PPP2R3A: variants seen among roughly 807,000 people sequenced by gnomAD.
PPP2R3A encodes serine/threonine-protein phosphatase 2A regulatory subunit B'' subunit alpha.
Under a neutral mutation model 106.9 loss-of-function variants are expected in PPP2R3A, and 80 were observed. That is an observed-to-expected ratio of 0.75 (90% CI 0.62 to 0.90). The LOEUF (loss-of-function observed/expected upper bound fraction) is 0.90. Among genes scored for constraint, PPP2R3A ranks in the 40% least tolerant of loss-of-function variants. PPP2R3A has a pLI of 0.00. For missense variants in PPP2R3A, 1,386 were observed against 1,350.4 expected (o/e 1.03, Z -0.41); for synonymous variants, 483 against 468.3 (o/e 1.03, Z -0.41).
intron 1 of PPP2R3A, among the ~76,000 whole-genome samples, chr3:135,996,939 A>G (rs1200487379): frequency 6.6e-6 from 1 of 152,116 alleles, no homozygotes; most frequent in African/African-American, 2.4e-5. Context: ...TTCTTCTTCC[A>G]TTTATAAACT....
At position 136,146,472 on chromosome 3, in the gene PPP2R3A, T is replaced by A. The variant is rs1939130275; in HGVS notation, c.*1306T>A. The stretch of plus-strand genomic sequence containing the variant: ...CCTTGCTGGCATAAAGGCCAAGCAG[T>A]GAAATGAACCTTGGGTTAGAGTTAT... On this transcript the variant is annotated 3_prime_UTR_variant, in exon 14 of 14. Transcript: ENST00000264977. The A allele has an allele frequency of 6.6e-6, 1 of 152,062 alleles. No individual in the cohort carries two copies. Among genetic ancestry groups the A allele is most frequent in the East Asian group, 1.9e-4 (1 of 5,190 alleles). The allele number at this position is 152,062 out of a possible 1,614,324, so 9.4% of individuals were successfully genotyped here. A position where few individuals can be genotyped will look rare whatever the true frequency, so the allele number is the denominator to read the frequency against.
chr3:136,055,592 A>G, intron 5 of PPP2R3A: 1 of 1,401,358 alleles, frequency 7.1e-7, no homozygotes, highest in Non-Finnish European at 1.0e-6. Context: ...GCAGTACTGT[A>G]TCCACACGAG....
chr3:136,031,507 A>G (rs1405986922), intron 3 of PPP2R3A, among the ~76,000 whole-genome samples: 1 of 152,114 alleles, frequency 6.6e-6, no homozygotes, highest in African/African-American at 2.4e-5. Context: ...CTTTATTTTA[A>G]TTAAGTCCTA....
intron 13 of PPP2R3A, among the ~76,000 whole-genome samples, chr3:136,111,944 C>T (rs1651325140): frequency 6.6e-6 from 1 of 152,138 alleles, no homozygotes; most frequent in African/African-American, 2.4e-5. Flanking sequence ...GCTAATCCAC[C>T]ACAATCATGT....
chr3:136,008,399 C>T (rs574478821), intron 2 of PPP2R3A, among the ~76,000 whole-genome samples: 2 of 152,306 alleles, frequency 1.3e-5, no homozygotes, highest in South Asian at 4.1e-4. Flanking sequence ...AAAGTAAACA[C>T]ATCTGCCTGG....
intron 1 of PPP2R3A, among the ~76,000 whole-genome samples, chr3:135,985,272 C>T (rs1476669259): frequency 2.0e-5 from 3 of 151,846 alleles, no homozygotes; most frequent in Admixed American, 6.6e-5. Flanking sequence ...TAGCAGCACA[C>T]CTCCGTCTCT....
At chr3:136,123,305 G>T (rs971177787) in intron 13 of PPP2R3A, among the ~76,000 whole-genome samples, 1 of 152,160 alleles carries the variant, frequency 6.6e-6, no homozygotes, top group Admixed American at 6.5e-5. Context: ...GCAATGGGTA[G>T]CATATGATAA....
chr3:136,035,896 C>T lies in PPP2R3A; in HGVS notation c.2263-4963C>T, dbSNP rs943273338. 2.0e-5 allele frequency among the ~76,000 whole-genome samples: 3 copies of T among 152,066 alleles called. No homozygotes were observed. In the East Asian group the frequency reaches 5.8e-4, roughly 29 times the overall value. ...TTTGGTCGTTTAACATAATTCTTGACTCCTTAGAGGCTTTGTTCATATTTT... is the reference window on the plus strand; with the variant it reads ...TTTGGTCGTTTAACATAATTCTTGATTCCTTAGAGGCTTTGTTCATATTTT... On this transcript the variant is annotated intron_variant, in intron 3 of 13. Transcript: ENST00000264977.
chr3:136,144,970 G>T, intron 13 of PPP2R3A, 73 bp from the exon 14 acceptor site: 1 of 1,528,386 alleles, frequency 6.5e-7, no homozygotes, highest in Non-Finnish European at 8.9e-7. Context: ...TTGAGGCTCG[G>T]ATTTGCCATA....
In PPP2R3A at chr3:136,145,462, C is replaced by A; in HGVS notation, c.*296C>A. On this transcript the variant is annotated 3_prime_UTR_variant, in exon 14 of 14. Coordinates refer to ENST00000264977, the MANE Select transcript of PPP2R3A (RefSeq NM_002718.5). ...AGGATCTCTTGGCGACAGTACCAAG[C>A]ACGGTTCTCTACACAGGTGACTGAA... 1 of 201,776 alleles carries A rather than the reference C, an allele frequency of 5.0e-6. No homozygotes were observed. The highest frequency in any genetic ancestry group is 8.9e-5 in the South Asian group (1 of 11,258). 12.5% of individuals were successfully genotyped at this position (201,776 alleles called of 1,614,324 possible).
At chr3:136,061,780 C>T (rs1293636474) in intron 5 of PPP2R3A, among the ~76,000 whole-genome samples, 1 of 151,000 alleles carries the variant, frequency 6.6e-6, no homozygotes, top group Non-Finnish European at 1.5e-5. Flanking sequence ...CATTGCCAGG[C>T]GTGGTGGCGG....
intron 12 of PPP2R3A, among the ~76,000 whole-genome samples, chr3:136,104,764 T>A (rs1236352181): frequency 6.6e-6 from 1 of 152,188 alleles, no homozygotes; most frequent in South Asian, 2.1e-4. Context: ...GAACTTAACA[T>A]TATTCTTGGC....
intron 13 of PPP2R3A, among the ~76,000 whole-genome samples, chr3:136,117,699 T>TA (rs1937828843): frequency 6.6e-6 from 1 of 152,160 alleles, no homozygotes; most frequent in African/African-American, 2.4e-5. Context: ...AATCCCTGAA[T>TA]AGACCAATAA....
chr3:136,114,486 G>A (rs1458793429), intron 13 of PPP2R3A, among the ~76,000 whole-genome samples: 1 of 152,190 alleles, frequency 6.6e-6, no homozygotes, highest in African/African-American at 2.4e-5. Flanking sequence ...AAGTGGTCTG[G>A]CTCAGTGGGT....
At chr3:136,096,054 C>T (rs1489793256) in intron 10 of PPP2R3A, among the ~76,000 whole-genome samples, 2 of 152,128 alleles carry the variant, frequency 1.3e-5, no homozygotes, top group Non-Finnish European at 2.9e-5. Context: ...AGCACAAAGC[C>T]TACTTTATAA....
rs1341524041 is a variant in PPP2R3A at position 136,002,002 on chromosome 3, T to C, written c.504T>C (p.Asp168=). ...TGCTTTGTGGCCATTATAACAACGA[T>C]GGGAACGCCCCATCCTTTGGTTTAC... ...LDLLCGHYNN[D]GNAPSFGLLR... is the part of the protein sequence containing the mutation. The change falls in exon 2 of 14, where the codon GAT becomes GAC. Residue 168 remains aspartate, a synonymous_variant. Coordinates refer to ENST00000264977, the MANE Select transcript of PPP2R3A (RefSeq NM_002718.5). 3 of 1,614,156 alleles carry C rather than the reference T, an allele frequency of 1.9e-6. No individual in the cohort carries two copies. In the East Asian group the frequency reaches 6.7e-5, roughly 36 times the overall value.
At chr3:136,048,960 A>T (rs1476808027) in intron 4 of PPP2R3A, among the ~76,000 whole-genome samples, 1 of 151,914 alleles carries the variant, frequency 6.6e-6, no homozygotes, top group African/African-American at 2.4e-5. Flanking sequence ...AGTCCTGAGG[A>T]ATGTTTCCTG....
intron 2 of PPP2R3A, chr3:136,022,917 T>A: frequency 1.4e-6 from 2 of 1,447,910 alleles, no homozygotes; most frequent in Non-Finnish European, 1.8e-6. Context: ...TTGTGGTCTG[T>A]GGAGGCTGGG....
chr3:136,041,095 A>G (rs1465573810), intron 4 of PPP2R3A, 133 bp downstream of exon 4: 14 of 642,586 alleles, frequency 2.2e-5, no homozygotes, highest in East Asian at 3.2e-5. Flanking sequence ...GGAAAATTCA[A>G]TGATTTACAA....
Sources: allele counts gnomAD v4.1 joint callset (sites outside exome capture counted in the v4.1 genomes callset), GRCh38; gene constraint gnomAD v4.1.1; transcripts MANE v1.5; gene names NCBI Gene and HGNC (gene_info 2026-07-23, HGNC 2026-07-21).